NUP214: variants seen among roughly 807,000 people sequenced by gnomAD.
NUP214 encodes nuclear pore complex protein Nup214.
A neutral mutation model predicts 196.2 loss-of-function variants in NUP214; 79 were observed. That is an observed-to-expected ratio of 0.40 (90% CI 0.34 to 0.49). NUP214 has a LOEUF of 0.49. Ranked by LOEUF, NUP214 falls within the 20% of genes least tolerant of loss-of-function variation. The probability of loss-of-function intolerance (pLI) is 0.58; values close to 1 mark genes in which losing one functional copy is unlikely to be tolerated. For synonymous variants in NUP214, 1,020 were observed against 990.5 expected, an observed-to-expected ratio of 1.03 and a Z score of -0.56; for missense variants, 2,468 against 2,539.0, an observed-to-expected ratio of 0.97 and a Z score of 0.60.
Position 131,146,091 on chromosome 9 carries a change from G to A in NUP214, c.1770-38G>A, listed in dbSNP as rs1191798404. ...CATGCTAGTGTAAAAGAATCTTCTA[G>A]CAGGCTCTTCTGAGGCCTTCAGGCT... On this transcript the variant is annotated intron_variant, in intron 12 of 35. Coordinates refer to ENST00000359428, the MANE Select transcript of NUP214 (RefSeq NM_005085.4). This position sits in a 1 kb window ranked among gnomAD's most constrained non-coding sequence, Gnocchi z 4.6. 5 of 1,598,000 alleles carry A rather than the reference G, an allele frequency of 3.1e-6. No homozygotes were observed. In the South Asian group the frequency reaches 4.4e-5, roughly 14 times the overall value.
intron 21 of NUP214, 133 bp from the exon 22 acceptor site, chr9:131,173,921 TC>T (rs1450037634): frequency 1.7e-6 from 2 of 1,169,392 alleles, no homozygotes; most frequent in Non-Finnish European, 2.4e-6. Flanking sequence ...CAATACCTGC[TC>T]CCACTTAAAA....
chr9:131,231,446 C>T (rs1224241366), intron 34 of NUP214, among the ~76,000 whole-genome samples: 1 of 152,028 alleles, frequency 6.6e-6, no homozygotes, highest in African/African-American at 2.4e-5. Context: ...CCACCTCGGC[C>T]TCCCAGAGTG....
chr9:131,192,253 C>T lies in NUP214; in HGVS notation c.3620C>T (p.Ser1207Phe), dbSNP rs199693388. The change falls in exon 27 of 36, where the codon TCT (serine) becomes TTT (phenylalanine). Residue 1207 changes from serine (S) to phenylalanine (F), a missense_variant. Physicochemically the swap from Ser to Phe is radical, Grantham distance 155 (BLOSUM62 -2). Coordinates refer to ENST00000359428, the MANE Select transcript of NUP214 (RefSeq NM_005085.4). ...ETAVTSTPSA[S>F]GQFSKPFSFS... ...GCTGTGACTTCAACCCCATCTGCTT[C>T]TGGGCAGTTCAGCAAGCCTTTCTCA... 6.7e-5 allele frequency: 95 copies of T among 1,419,310 alleles called. No individual in the cohort carries two copies. The highest frequency in any genetic ancestry group is 8.0e-5 in the Non-Finnish European group (86 of 1,068,474). The allele number at this position is 1,419,310 out of a possible 1,614,324, so 87.9% of individuals were successfully genotyped here.
At chr9:131,152,669 T>C (rs920790405) in intron 17 of NUP214, among the ~76,000 whole-genome samples, 1 of 152,158 alleles carries the variant, frequency 6.6e-6, no homozygotes, top group Non-Finnish European at 1.5e-5. Context: ...TTAAATTTCA[T>C]AGGCTAAGTA....
intron 23 of NUP214, among the ~76,000 whole-genome samples, chr9:131,177,817 T>C (rs1833158563): frequency 6.6e-6 from 1 of 152,198 alleles, no homozygotes; most frequent in Non-Finnish European, 1.5e-5. Context: ...ATTTTATTCA[T>C]TATGCCTTTC....
chr9:131,222,440 C>G (rs1834588465), intron 31 of NUP214: 1 of 199,508 alleles, frequency 5.0e-6, no homozygotes, highest in Non-Finnish European at 1.0e-5. Context: ...CCCATGGCCT[C>G]CATTGCTGGG....
intron 23 of NUP214, among the ~76,000 whole-genome samples, chr9:131,176,754 A>G (rs934778743): frequency 6.6e-6 from 1 of 152,146 alleles, no homozygotes; most frequent in African/African-American, 2.4e-5. Flanking sequence ...TTCTACGTTA[A>G]TGTACATTGT....
chr9:131,206,501 G>A (rs1242733478), intron 30 of NUP214, among the ~76,000 whole-genome samples: 1 of 151,934 alleles, frequency 6.6e-6, no homozygotes, highest in African/African-American at 2.4e-5. Context: ...GTGGAGTGCA[G>A]TGGCACAGTC....
In NUP214 at chr9:131,223,727, AT is replaced by A. The variant is rs529624907; in HGVS notation, c.5902+822del. Among the ~76,000 whole-genome samples, 24 of 15,654 alleles carry A rather than the reference AT, an allele frequency of 1.5e-3. No homozygotes were observed. In the South Asian group the frequency reaches 0.051, roughly 33 times the overall value. 10.3% of individuals were successfully genotyped at this position (15,654 alleles called of 152,430 possible). ...TTTTTTTATTTTTATTTATTTATTT[AT>A]TTTTTTTTTTTTTTTTTTTTTTTTG... is the stretch of plus-strand genomic sequence containing the variant. On this transcript the variant is annotated intron_variant, in intron 32 of 35. Coordinates refer to ENST00000359428, the MANE Select transcript of NUP214 (RefSeq NM_005085.4).
At chr9:131,231,504 A>T (rs565595102) in intron 34 of NUP214, among the ~76,000 whole-genome samples, 1 of 151,926 alleles carries the variant, frequency 6.6e-6, no homozygotes, top group Non-Finnish European at 1.5e-5. Flanking sequence ...GGTTTTAGTT[A>T]GACTTAGAAC....
chr9:131,143,460 A>G (rs1375949241), intron 11 of NUP214, among the ~76,000 whole-genome samples: 2 of 152,004 alleles, frequency 1.3e-5, no homozygotes, highest in African/African-American at 2.4e-5. Context: ...ATGTTTTCTT[A>G]AAAAAAATAC....
chr9:131,150,139 A>G (rs989248676), intron 14 of NUP214, 185 bp from the exon 15 acceptor site: 2 of 529,398 alleles, frequency 3.8e-6, no homozygotes, highest in Non-Finnish European at 6.8e-6. Context: ...CTACTTGTTC[A>G]CCTCTACCTG....
At position 131,159,395 on chromosome 9, in the gene NUP214, C is replaced by G; in HGVS notation, c.2449C>G (p.Leu817Val). The change falls in exon 18 of 36, where the codon CTT becomes GTT. Residue 817 changes from leucine to valine, a missense_variant. Leu to Val is a conservative substitution (Grantham distance 32, BLOSUM62 1). Coordinates refer to ENST00000359428, the MANE Select transcript of NUP214 (RefSeq NM_005085.4). ...SEAQLQEIRR[L>V]HQYVKFAVQD... ...TTTTTTCTTATAGGAAATTCGGCGC[C>G]TTCATCAGTATGTGAAATTTGCTGT... 1 of 1,613,590 alleles carries G rather than the reference C, an allele frequency of 6.2e-7. No individual in the cohort carries two copies. The highest frequency in any genetic ancestry group is 1.1e-5 in the South Asian group (1 of 90,954).
chr9:131,169,027 T>A lies in NUP214; in HGVS notation c.2893+4883T>A, dbSNP rs1003140577. On this transcript the variant is annotated intron_variant, in intron 21 of 35. Transcript: ENST00000359428. Reference sequence around the variant, plus strand: ...AATATGGTATTCTGCTTACTTTGTTTTTTTTTGTTTTTTTTTTTTTTTTGG... The same window carrying A: ...AATATGGTATTCTGCTTACTTTGTTATTTTTTGTTTTTTTTTTTTTTTTGG... 2.3e-3 allele frequency among the ~76,000 whole-genome samples: 115 copies of A among 50,262 alleles called. 1 individual carries two copies. In the South Asian group the frequency reaches 0.072, roughly 31 times the overall value. The allele number at this position is 50,262 out of a possible 152,430, so 33.0% of individuals were successfully genotyped here.
chr9:131,150,860 G>GACC, intron 16 of NUP214, 95 bp downstream of exon 16: 1 of 1,215,936 alleles, frequency 8.2e-7, no homozygotes, highest in Non-Finnish European at 1.1e-6. Context: ...TTTCTTCAAG[G>GACC]ACCACCAGTG....
At chr9:131,156,971 TA>T (rs1260938534) in intron 17 of NUP214, among the ~76,000 whole-genome samples, 2 of 152,156 alleles carry the variant, frequency 1.3e-5, no homozygotes, top group Non-Finnish European at 2.9e-5. Flanking sequence ...AGTTTTATTT[TA>T]TTTTTTTTTA....
Position 131,198,589 on chromosome 9 carries a change from G to C in NUP214, c.5095G>C (p.Ala1699Pro). Residue 1699 changes from alanine to proline, a missense_variant, in exon 29 of 36, where the codon GCC becomes CCC. Ala to Pro is a conservative substitution (Grantham distance 27, BLOSUM62 -1). Coordinates refer to ENST00000359428, the MANE Select transcript of NUP214 (RefSeq NM_005085.4). ...TGGTAGCACAGCCAGCACAGCAGCT[G>C]CCACACCACAGGTCAGCAGCTCAGG... ...QTGSTASTAA[A>P]TPQVSSSGFS... The C allele has an allele frequency of 6.2e-7, 1 of 1,614,236 alleles. No homozygotes were observed. Among genetic ancestry groups the C allele is most frequent in the African/African-American group, 1.3e-5 (1 of 75,058 alleles).
intron 18 of NUP214, 106 bp downstream of exon 18, chr9:131,159,592 T>A (rs1832566661): frequency 4.5e-6 from 4 of 890,774 alleles, no homozygotes; most frequent in African/African-American, 1.7e-5. Context: ...GTGCGGTGGC[T>A]CACGCCTGTA....
intron 19 of NUP214, 119 bp downstream of exon 19, chr9:131,163,292 C>A: frequency 2.9e-6 from 3 of 1,026,534 alleles, no homozygotes; most frequent in Non-Finnish European, 4.2e-6. Flanking sequence ...CCTGTGTAAT[C>A]CTGGTCAGGG....
Sources: allele counts gnomAD v4.1 joint callset (sites outside exome capture counted in the v4.1 genomes callset), GRCh38; gene constraint gnomAD v4.1.1; non-coding constraint Gnocchi (gnomAD v3.1); transcripts MANE v1.5; gene names NCBI Gene and HGNC (gene_info 2026-07-23, HGNC 2026-07-21).